The following MARCHF1 variants were observed in gnomAD, a reference collection of about 807,000 sequenced individuals.
MARCHF1 encodes the protein E3 ubiquitin-protein ligase MARCHF1.
MARCHF1 carries 40 observed loss-of-function variants against 54.2 expected under a neutral mutation model. The observed-to-expected ratio is 0.74, with a 90% CI of 0.57 to 0.96. The LOEUF (loss-of-function observed/expected upper bound fraction) is 0.96, where lower values mean the gene tolerates loss of function less well. Among genes scored for constraint, MARCHF1 ranks in the 40% least tolerant of loss-of-function variants. The pLI is 0.00. For synonymous variants in MARCHF1, 236 were observed against 236.3 expected (o/e 1.00, Z 0.01); for missense variants, 586 against 656.5 (o/e 0.89, Z 1.17).
chr4:163,724,324 G>A (rs1422425083), intron 4 of MARCHF1, among the ~76,000 whole-genome samples: 2 of 152,358 alleles, frequency 1.3e-5, no homozygotes, highest in East Asian at 3.9e-4. Context: ...CTGCAGAACA[G>A]CGAATATTGC....
At chr4:164,251,365 A>C (rs17044797) in intron 1 of MARCHF1, among the ~76,000 whole-genome samples, 17,647 of 152,104 alleles carry the variant, frequency 0.12, 1,606 homozygotes, top group African/African-American at 0.25. Flanking sequence ...GATACAGTGT[A>C]AGCCATGAGG....
intron 1 of MARCHF1, among the ~76,000 whole-genome samples, chr4:164,176,478 A>G (rs1730666144): frequency 6.6e-6 from 1 of 152,186 alleles, no homozygotes; most frequent in African/African-American, 2.4e-5. Flanking sequence ...CCATTTTTAA[A>G]TGACTTCAGG....
intron 3 of MARCHF1, chr4:163,932,526 A>G: frequency 5.6e-6 from 2 of 356,456 alleles, no homozygotes. Context: ...GACTCCTGCC[A>G]TAGAGAAAAT....
chr4:163,761,792 C>CA (rs11378460), intron 4 of MARCHF1, among the ~76,000 whole-genome samples: 73,404 of 151,908 alleles, frequency 0.48, 17,793 homozygotes, highest in Admixed American at 0.52. Flanking sequence ...AGTAACTCTC[C>CA]ACCACCAAAT....
intron 5 of MARCHF1, among the ~76,000 whole-genome samples, chr4:163,632,972 C>A (rs1742162141): frequency 6.6e-6 from 1 of 151,486 alleles, no homozygotes; most frequent in Non-Finnish European, 1.5e-5. Context: ...AGGAGGCGCC[C>A]CCCAGCAGGG....
At chr4:164,349,151 T>TA (rs1730203856) in intron 1 of MARCHF1, among the ~76,000 whole-genome samples, 1 of 152,174 alleles carries the variant, frequency 6.6e-6, no homozygotes. Flanking sequence ...ACCTTTCAGT[T>TA]ACCAAAATAG....
At chr4:163,851,062 C>T (rs1192576968) in intron 4 of MARCHF1, among the ~76,000 whole-genome samples, 2 of 152,052 alleles carry the variant, frequency 1.3e-5, no homozygotes, top group African/African-American at 4.8e-5. Flanking sequence ...GTACTAAAAC[C>T]CCATGATTCC....
rs1278125783 is a variant in MARCHF1 at position 164,046,986 on chromosome 4, T to C, written c.-247-58277A>G. On this transcript the variant is annotated intron_variant, in intron 2 of 9. Transcript: ENST00000514618. The stretch of plus-strand genomic sequence containing the variant: ...GTTTAAACCATAGGACTAAGATCAC[T>C]GCCACAAACTTGACATATCAAATAA... Among the ~76,000 whole-genome samples the C allele has an allele frequency of 2.6e-5, 4 of 152,302 alleles. No individual in the cohort carries two copies. The East Asian group carries it at 7.7e-4, about 29-fold the overall frequency.
chr4:163,556,519 C>T (rs1315534861), intron 8 of MARCHF1, among the ~76,000 whole-genome samples: 1 of 151,348 alleles, frequency 6.6e-6, no homozygotes, highest in East Asian at 1.9e-4. Flanking sequence ...AGCAGTGTCA[C>T]ATCTGAACAT....
At chr4:164,043,319 A>G (rs146046771) in intron 2 of MARCHF1, among the ~76,000 whole-genome samples, 94 of 152,272 alleles carry the variant, frequency 6.2e-4, no homozygotes, top group African/African-American at 2.2e-3. Context: ...GGAGATTCCA[A>G]AACCTAAACT....
At chr4:163,721,879 C>T (rs1441299742) in intron 4 of MARCHF1, among the ~76,000 whole-genome samples, 5 of 152,032 alleles carry the variant, frequency 3.3e-5, no homozygotes, top group Non-Finnish European at 7.4e-5. Flanking sequence ...GGTGACATCC[C>T]TTTTATCATT....
intron 1 of MARCHF1, among the ~76,000 whole-genome samples, chr4:164,190,689 A>G (rs1731101127): frequency 6.6e-6 from 1 of 152,220 alleles, no homozygotes; most frequent in African/African-American, 2.4e-5. Context: ...CACTGGTCTA[A>G]AAAGAATACT....
At chr4:163,898,958 T>C (rs981495846) in intron 3 of MARCHF1, among the ~76,000 whole-genome samples, 1 of 152,194 alleles carries the variant, frequency 6.6e-6, no homozygotes, top group Non-Finnish European at 1.5e-5. Flanking sequence ...TACCACATGT[T>C]CTCACTTATA....
chr4:163,695,348 A>G (rs976811121), intron 5 of MARCHF1, among the ~76,000 whole-genome samples: 2 of 152,196 alleles, frequency 1.3e-5, no homozygotes, highest in Non-Finnish European at 2.9e-5. Context: ...GCTGTGAACC[A>G]TAGAATACCT....
rs1001621002 is a variant in MARCHF1, at chr4:163,545,019, A to G, written c.1339+577T>C. ...TTTTTGTTTCTGTTTTAAGTGACTT[A>G]CCCATTTTAATGTGAGAATATGCCT... On this transcript the variant is annotated intron_variant, in intron 9 of 9. Transcript: ENST00000514618. Among the ~76,000 whole-genome samples, 3 of 152,176 alleles carry G rather than the reference A, an allele frequency of 2.0e-5. 1 individual carries two copies. In the South Asian group the frequency reaches 6.2e-4, roughly 32 times the overall value.
intron 3 of MARCHF1, among the ~76,000 whole-genome samples, chr4:163,866,603 G>A (rs1750058443): frequency 6.6e-6 from 1 of 150,708 alleles, no homozygotes; most frequent in African/African-American, 2.4e-5. Flanking sequence ...TTTACCCAGA[G>A]GTAGTCAAAC....
At chr4:164,306,251 A>G (rs1270817744) in intron 1 of MARCHF1, among the ~76,000 whole-genome samples, 2 of 152,184 alleles carry the variant, frequency 1.3e-5, no homozygotes, top group Non-Finnish European at 2.9e-5. Context: ...ATCATTAAAA[A>G]GTAAGTCAAC....
At position 164,282,987 on chromosome 4, in the gene MARCHF1, G is replaced by C. The variant is rs555848809; in HGVS notation, c.-323+100883C>G. On this transcript the variant is annotated intron_variant, in intron 1 of 9. Coordinates refer to ENST00000514618, the MANE Select transcript of MARCHF1 (RefSeq NM_001394959.1). ...ATCCATCACTGTGGACATAGAAATG[G>C]GGTAAACTTGTTTCCCTTTTTAAGA... Among the ~76,000 whole-genome samples the C allele has an allele frequency of 1.3e-5, 2 of 151,132 alleles. 1 individual carries two copies. The highest frequency in any genetic ancestry group is 1.3e-4 in the Admixed American group (2 of 14,904).
At chr4:164,051,837 C>T (rs750285659) in intron 2 of MARCHF1, among the ~76,000 whole-genome samples, 4 of 152,096 alleles carry the variant, frequency 2.6e-5, no homozygotes, top group Non-Finnish European at 4.4e-5. Context: ...GAGATTTAAC[C>T]GGATTCCTTT....
Sources: gnomAD v4.1 joint callset for allele counts (sites outside exome capture counted in the v4.1 genomes callset) on GRCh38, gnomAD v4.1.1 for gene constraint, MANE v1.5 for transcripts, NCBI Gene and HGNC (gene_info 2026-07-23, HGNC 2026-07-21) for gene names.